The following EIF2AK1 variants were observed in gnomAD, a reference collection of about 807,000 sequenced individuals.
EIF2AK1 encodes eukaryotic translation initiation factor 2 alpha kinase 1.
Under a neutral mutation model 77.9 loss-of-function variants are expected in EIF2AK1, and 54 were observed. The ratio of observed to expected loss-of-function variants is 0.69; its 90% CI spans 0.56 to 0.87. The LOEUF (loss-of-function observed/expected upper bound fraction) is 0.87, where lower values mean the gene tolerates loss of function less well. EIF2AK1 is among the 40% of genes least tolerant of loss of function. The pLI, the probability that EIF2AK1 is intolerant of heterozygous loss-of-function variation, is 0.00. For synonymous variants in EIF2AK1, 314 were observed against 290.5 expected, an observed-to-expected ratio of 1.08 and a Z score of -0.82; for missense variants, 810 against 768.6, an observed-to-expected ratio of 1.05 and a Z score of -0.64.
At chr7:6,043,158 G>A (rs1788345012) in intron 7 of EIF2AK1, among the ~76,000 whole-genome samples, 165 bp from the exon 8 acceptor site, 1 of 152,234 alleles carries the variant, frequency 6.6e-6, no homozygotes, top group South Asian at 2.1e-4. Context: ...CACGTGTTAG[G>A]AACCGTAAAA....
At position 6,035,613 on chromosome 7, in the gene EIF2AK1, C is replaced by G. The variant is rs192662929; in HGVS notation, c.1332+1811G>C. On this transcript the variant is annotated intron_variant, in intron 11 of 14. Transcript: ENST00000199389. The surrounding 1 kb of genome is among the most constrained non-coding windows in gnomAD (Gnocchi z 5.5). Reference sequence around the variant, plus strand: ...TGCGCACGGAGCTCAAGTGAACACTCAAGGGGAAATCAGCAACAAACGTTC... The same window carrying G: ...TGCGCACGGAGCTCAAGTGAACACTGAAGGGGAAATCAGCAACAAACGTTC... The G allele has an allele frequency of 2.8e-4, 433 of 1,550,932 alleles. No homozygotes were observed. In the African/African-American group the frequency reaches 5.3e-3, roughly 19 times the overall value.
intron 4 of EIF2AK1, 103 bp downstream of exon 4, chr7:6,048,704 T>A (rs1788513394): frequency 3.1e-6 from 3 of 970,378 alleles, no homozygotes; most frequent in Admixed American, 2.9e-5. Flanking sequence ...TTAATGTTCA[T>A]AAATAATACT....
At chr7:6,044,228 G>A (rs1788380713) in intron 7 of EIF2AK1, among the ~76,000 whole-genome samples, 1 of 152,038 alleles carries the variant, frequency 6.6e-6, no homozygotes, top group Non-Finnish European at 1.5e-5. Context: ...ACTTTGGGAG[G>A]CCGAGGCGGG....
At position 6,036,024 on chromosome 7, in the gene EIF2AK1, G is replaced by C. The variant is rs1788074860; in HGVS notation, c.1332+1400C>G. On this transcript the variant is annotated intron_variant, in intron 11 of 14. Coordinates refer to ENST00000199389, the MANE Select transcript of EIF2AK1 (RefSeq NM_014413.4). This position sits in a 1 kb window ranked among gnomAD's most constrained non-coding sequence, Gnocchi z 4.6. The stretch of plus-strand genomic sequence containing the variant: ...AGAGGCAATCATCAATCTCCTGCTT[G>C]AATTTGAAGCAAATGTTAACATTTT... 6.4e-7 allele frequency: 1 copy of C among 1,551,088 alleles called. No individual in the cohort carries two copies. Among genetic ancestry groups the C allele is most frequent in the Middle Eastern group, 1.7e-4 (1 of 5,998 alleles).
intron 11 of EIF2AK1, 57 bp from the exon 12 acceptor site, chr7:6,029,089 C>A: frequency 1.5e-6 from 2 of 1,372,146 alleles, no homozygotes; most frequent in Admixed American, 2.0e-5. Context: ...ATAGTAATAT[C>A]TTGTAAATGT....
chr7:6,054,405 T>A, intron 2 of EIF2AK1, 141 bp downstream of exon 2: 1 of 852,860 alleles, frequency 1.2e-6, no homozygotes, highest in Non-Finnish European at 1.8e-6. Flanking sequence ...GGTTTCGTCA[T>A]GTTAGCCAAA....
intron 2 of EIF2AK1, among the ~76,000 whole-genome samples, chr7:6,050,911 C>A (rs937353675): frequency 7.2e-5 from 11 of 152,040 alleles, no homozygotes; most frequent in Non-Finnish European, 1.3e-4. Flanking sequence ...CCTATAATTA[C>A]TTCTCTTACC....
rs572632614 is a variant in EIF2AK1 at position 6,025,485 on chromosome 7, G to A, written c.1765-684C>T. Among the ~76,000 whole-genome samples the A allele has an allele frequency of 4.6e-5, 7 of 152,234 alleles. No individual in the cohort carries two copies. In the South Asian group the frequency reaches 1.0e-3, roughly 23 times the overall value. On this transcript the variant is annotated intron_variant, in intron 14 of 14. Transcript: ENST00000199389. ...CTTGTAACTCTTAGAGTAGACAGGC[G>A]GTGGGGAGTCAACCTGCTTACGTGG...
chr7:6,045,110 T>A (rs528518105), intron 6 of EIF2AK1, among the ~76,000 whole-genome samples: 6 of 141,284 alleles, frequency 4.2e-5, no homozygotes, highest in African/African-American at 7.7e-5. Context: ...ATAATAGAAA[T>A]TTTTTTTTTT....
chr7:6,030,889 A>G (rs946975077), intron 11 of EIF2AK1, among the ~76,000 whole-genome samples: 29 of 152,338 alleles, frequency 1.9e-4, no homozygotes, highest in African/African-American at 7.0e-4. Flanking sequence ...TTATTTAAGC[A>G]AAGAGTACAG....
At chr7:6,041,823 A>C (rs143774784) in intron 8 of EIF2AK1, among the ~76,000 whole-genome samples, 372 of 144,552 alleles carry the variant, frequency 2.6e-3, no homozygotes, top group Non-Finnish European at 4.5e-3. Context: ...CCTGGCCAAC[A>C]GAGTGAGACT....
Position 6,032,763 on chromosome 7 carries a change from G to A in EIF2AK1, c.1333-3731C>T, listed in dbSNP as rs927079519. 11 of 1,259,142 alleles carry A rather than the reference G, an allele frequency of 8.7e-6. No homozygotes were observed. The highest frequency in any genetic ancestry group is 1.2e-5 in the Non-Finnish European group (11 of 893,306). 78.0% of individuals were successfully genotyped at this position (1,259,142 alleles called of 1,614,324 possible). ...GACACTAAATAAATGTATTGCCTTT[G>A]AAACGGCAAGCTAACACAAACAGTA... On this transcript the variant is annotated intron_variant, in intron 11 of 14. Coordinates refer to ENST00000199389, the MANE Select transcript of EIF2AK1 (RefSeq NM_014413.4). This position sits in a 1 kb window ranked among gnomAD's most constrained non-coding sequence, Gnocchi z 4.3.
chr7:6,030,004 A>C (rs1787860002), intron 11 of EIF2AK1, among the ~76,000 whole-genome samples: 1 of 151,994 alleles, frequency 6.6e-6, no homozygotes. Context: ...AAAAGAAACG[A>C]CTGTCCTGTC....
intron 14 of EIF2AK1, among the ~76,000 whole-genome samples, chr7:6,026,282 A>G (rs1787743246): frequency 6.6e-6 from 1 of 152,290 alleles, no homozygotes; most frequent in Non-Finnish European, 1.5e-5. Flanking sequence ...CCCGGCAGAC[A>G]TACAGACAGC....
intron 11 of EIF2AK1, among the ~76,000 whole-genome samples, chr7:6,030,853 G>A (rs1378191677): frequency 1.3e-5 from 2 of 152,070 alleles, no homozygotes; most frequent in Non-Finnish European, 2.9e-5. Flanking sequence ...CCAGGGTTGG[G>A]AACTAATAGA....
rs556313449 is a variant in EIF2AK1 at position 6,026,098 on chromosome 7, G to A, written c.1764+630C>T. Among the ~76,000 whole-genome samples the A allele has an allele frequency of 6.6e-5, 10 of 152,128 alleles. No individual in the cohort carries two copies. In the East Asian group the frequency reaches 9.7e-4, roughly 15 times the overall value. ...CCCGGTGGTCCAATGACTGTGTACT[G>A]CGCAGGGAATGCAGCAACCCCATCG... On this transcript the variant is annotated intron_variant, in intron 14 of 14. Transcript: ENST00000199389.
intron 11 of EIF2AK1, among the ~76,000 whole-genome samples, chr7:6,034,509 G>A (rs561565734): frequency 4.5e-4 from 68 of 152,096 alleles, no homozygotes; most frequent in African/African-American, 1.6e-3. Flanking sequence ...CATACTGCAT[G>A]CACTATGTGA....
In EIF2AK1 at chr7:6,036,298, A is replaced by G; in HGVS notation, c.1332+1126T>C. ...AGAAACATCAGGAATATTTATGGTG[A>G]GAAATACAAACAGCACTTGAAGCAA... On this transcript the variant is annotated intron_variant, in intron 11 of 14. Coordinates refer to ENST00000199389, the MANE Select transcript of EIF2AK1 (RefSeq NM_014413.4). The surrounding 1 kb of genome is among the most constrained non-coding windows in gnomAD (Gnocchi z 4.6). 2.6e-6 allele frequency: 4 copies of G among 1,548,198 alleles called. No homozygotes were observed. The highest frequency in any genetic ancestry group is 3.5e-6 in the Non-Finnish European group (4 of 1,146,468).
In EIF2AK1 at chr7:6,023,891, GC is replaced by G. The variant is rs1318593576; in HGVS notation, c.*781del. 5 of 1,515,996 alleles carry G rather than the reference GC, an allele frequency of 3.3e-6. No individual in the cohort carries two copies. The highest frequency in any genetic ancestry group is 4.4e-6 in the Non-Finnish European group (5 of 1,130,434). 93.9% of individuals were successfully genotyped at this position (1,515,996 alleles called of 1,614,324 possible). ...TCATACGCCATCTACCGTGATGACT[GC>G]CAACTCCATGGCAGACCCTTTCTGG... On this transcript the variant is annotated 3_prime_UTR_variant, in exon 15 of 15. Transcript: ENST00000199389.
Sources: gnomAD v4.1 joint callset for allele counts (sites outside exome capture counted in the v4.1 genomes callset) on GRCh38, gnomAD v4.1.1 for gene constraint, Gnocchi (gnomAD v3.1) non-coding constraint, MANE v1.5 for transcripts, NCBI Gene and HGNC (gene_info 2026-07-23, HGNC 2026-07-21) for gene names.